The following ZFPM1 variants were observed in gnomAD, a reference collection of about 807,000 sequenced individuals.
The protein encoded by ZFPM1 is zinc finger protein ZFPM1.
In ZFPM1, 28 loss-of-function variants were observed where a neutral mutation model predicts 46.3. The observed-to-expected ratio is 0.60, with a 90% CI of 0.45 to 0.83. The LOEUF (loss-of-function observed/expected upper bound fraction) is 0.83. ZFPM1 is among the 40% of genes least tolerant of loss of function. The probability of loss-of-function intolerance (pLI) is 0.00; values close to 1 mark genes in which losing one functional copy is unlikely to be tolerated. For missense variants in ZFPM1, 1,878 were observed against 1,432.4 expected (o/e 1.31, Z -5.02); for synonymous variants, 957 against 675.9 (o/e 1.42, Z -6.45).
chr16:88,529,456 T>TGG (rs112648623), intron 6 of ZFPM1, among the ~76,000 whole-genome samples: 1 of 152,144 alleles, frequency 6.6e-6, no homozygotes, highest in African/African-American at 2.4e-5. Flanking sequence ...GTGCAGCCAC[T>TGG]GGGGGGATGT....
At chr16:88,508,951 C>T (rs949824166) in intron 3 of ZFPM1, among the ~76,000 whole-genome samples, 8 of 152,222 alleles carry the variant, frequency 5.3e-5, no homozygotes, top group African/African-American at 9.7e-5. Context: ...CGAATCCGCA[C>T]GCGGCGCGTC....
upstream of ZFPM1, among the ~76,000 whole-genome samples, chr16:88,453,128 C>T (rs1018538830): frequency 1.3e-5 from 2 of 148,182 alleles, no homozygotes; most frequent in African/African-American, 2.5e-5. Flanking sequence ...CAACGAAGAG[C>T]CGGGCTGGCG....
chr16:88,515,936 C>T (rs906028954), intron 4 of ZFPM1, among the ~76,000 whole-genome samples: 9 of 152,110 alleles, frequency 5.9e-5, no homozygotes, highest in Admixed American at 2.6e-4. Context: ...CTAGGAGCTC[C>T]GTGGCTCTCA....
In ZFPM1 at chr16:88,534,229, C is replaced by CCCG; in HGVS notation, c.2277_2279dup (p.Pro760dup). ...TGCACGCGGCCGGCGCCCCGCCCCC[C>CCCG]CCGCCGCCCGGCCACGCCCCCGCGC... On this transcript the variant is annotated inframe_insertion, in exon 10 of 10. Coordinates refer to ENST00000319555, the MANE Select transcript of ZFPM1 (RefSeq NM_153813.3). The CCCG allele has an allele frequency of 1.0e-6, 1 of 986,698 alleles. No homozygotes were observed. Among genetic ancestry groups the CCCG allele is most frequent in the Non-Finnish European group, 1.2e-6 (1 of 832,484 alleles). 61.1% of individuals were successfully genotyped at this position (986,698 alleles called of 1,614,324 possible). A position where few individuals can be genotyped will look rare whatever the true frequency, so the allele number is the denominator to read the frequency against.
At chr16:88,502,474 G>A (rs1910420991) in intron 3 of ZFPM1, among the ~76,000 whole-genome samples, 1 of 152,150 alleles carries the variant, frequency 6.6e-6, no homozygotes, top group South Asian at 2.1e-4. Context: ...GGCCGCCCGG[G>A]GCCATGGACA....
rs772378125 is a variant in ZFPM1, at chr16:88,489,139, C to T, written c.254C>T (p.Pro85Leu). The change falls in exon 3 of 10, where the codon CCC (proline) becomes CTC (leucine). Residue 85 changes from proline (P) to leucine (L), a missense_variant. Pro to Leu is a moderately conservative substitution (Grantham distance 98). Coordinates refer to ENST00000319555, the MANE Select transcript of ZFPM1 (RefSeq NM_153813.3). ...PRPTEEEPGS[P>L]WSGPDELEPV... The stretch of plus-strand genomic sequence containing the variant: ...CCCACGGAGGAAGAGCCGGGCAGTC[C>T]CTGGAGCGGGCCAGGTAACCACGCG... 1 of 1,605,530 alleles carries T rather than the reference C, an allele frequency of 6.2e-7. No individual in the cohort carries two copies. The highest frequency in any genetic ancestry group is 2.3e-5 in the East Asian group (1 of 44,180).
rs1020157976 is a variant in ZFPM1 at position 88,469,321 on chromosome 16, T to C, written c.40+15643T>C. 1.6e-4 allele frequency among the ~76,000 whole-genome samples: 25 copies of C among 152,182 alleles called. No individual in the cohort carries two copies. Among genetic ancestry groups the C allele is most frequent in the African/African-American group, 6.0e-4 (25 of 41,448 alleles). On this transcript the variant is annotated intron_variant, in intron 1 of 9. Coordinates refer to ENST00000319555, the MANE Select transcript of ZFPM1 (RefSeq NM_153813.3). The surrounding 1 kb of genome is among the most constrained non-coding windows in gnomAD (Gnocchi z 4.3). The stretch of plus-strand genomic sequence containing the variant: ...CCTTTGCCCACCCTCAGCCTCCCCA[T>C]CTGTAAAACCGGAAGGCGGTCTAGT...
chr16:88,530,134 G>T (rs1267201787), intron 6 of ZFPM1, among the ~76,000 whole-genome samples: 1 of 152,182 alleles, frequency 6.6e-6, no homozygotes, highest in Non-Finnish European at 1.5e-5. Flanking sequence ...AGGATGGAGA[G>T]GGGGTGCCCC....
intron 3 of ZFPM1, among the ~76,000 whole-genome samples, chr16:88,501,098 G>T (rs1476246793): frequency 6.8e-6 from 1 of 145,998 alleles, no homozygotes; most frequent in Admixed American, 6.8e-5. Flanking sequence ...TCCCGCAGGT[G>T]CTGGTGATGA....
chr16:88,530,033 A>C (rs937651623), intron 6 of ZFPM1, among the ~76,000 whole-genome samples: 1 of 152,150 alleles, frequency 6.6e-6, no homozygotes, highest in African/African-American at 2.4e-5. Context: ...GGTGACTGAA[A>C]GGAGCCGGGA....
Position 88,533,458 on chromosome 16 carries a change from C to T in ZFPM1, c.1500C>T (p.Val500=). 1.4e-6 allele frequency: 2 copies of T among 1,432,940 alleles called. No homozygotes were observed. The highest frequency in any genetic ancestry group is 3.0e-5 in the African/African-American group (2 of 65,808). 88.8% of individuals were successfully genotyped at this position (1,432,940 alleles called of 1,614,324 possible). Reference sequence around the variant, plus strand: ...CGCGCAGCCCCGCCCCGGCCAGGGTCAAGGCCGAGCTGTCCAGCCCCACGC... The same window carrying T: ...CGCGCAGCCCCGCCCCGGCCAGGGTTAAGGCCGAGCTGTCCAGCCCCACGC... ...PSPRSPAPAR[V]KAELSSPTPG... is the part of the protein sequence containing the mutation. Residue 500 remains valine, a synonymous_variant, in exon 10 of 10, where the codon GTC becomes GTT. Coordinates refer to ENST00000319555, the MANE Select transcript of ZFPM1 (RefSeq NM_153813.3).
In ZFPM1 at chr16:88,461,218, AGGCCTGGTGAGGACCCAGGGGT is replaced by A. The variant is rs1567525881; in HGVS notation, c.40+7543_40+7564del. 2.4e-4 allele frequency among the ~76,000 whole-genome samples: 18 copies of A among 73,938 alleles called. 1 individual carries two copies. Among genetic ancestry groups the A allele is most frequent in the African/African-American group, 8.9e-4 (15 of 16,848 alleles). The allele number at this position is 73,938 out of a possible 152,430, so 48.5% of individuals were successfully genotyped here. On this transcript the variant is annotated intron_variant, in intron 1 of 9. Transcript: ENST00000319555. ...GGCCTGGTGAGGACCCAGGGGCGGG[AGGCCTGGTGAGGACCCAGGGGT>A]GGGGCGGGAGGCCCTGGTGAGGACC... is the stretch of plus-strand genomic sequence containing the variant.
At chr16:88,515,464 C>T (rs562031104) in intron 4 of ZFPM1, among the ~76,000 whole-genome samples, 3 of 152,364 alleles carry the variant, frequency 2.0e-5, no homozygotes, top group South Asian at 2.1e-4. Flanking sequence ...GACACAGGGG[C>T]GCCTAAAGCT....
At chr16:88,484,497 CT>C (rs1909109148) in intron 1 of ZFPM1, among the ~76,000 whole-genome samples, 1 of 152,192 alleles carries the variant, frequency 6.6e-6, no homozygotes, top group African/African-American at 2.4e-5. Context: ...CATTATTCTG[CT>C]GTGACCATGG....
In ZFPM1 at chr16:88,453,572, C is replaced by CCCGCCGCCCG. The variant is rs1454078125; in HGVS notation, c.-54_-45dup. ...AGCGGCCCCGCGGCCCCGCCGCGCC[C>CCCGCCGCCCG]CCGCCGCCCGCCGCCGCCCGCCCGG... is the stretch of plus-strand genomic sequence containing the variant. On this transcript the variant is annotated 5_prime_UTR_variant, in exon 1 of 10. An upstream open reading frame in the 5' UTR loses its in-frame stop. Coordinates refer to ENST00000319555, the MANE Select transcript of ZFPM1 (RefSeq NM_153813.3). The CCCGCCGCCCG allele has an allele frequency of 1.2e-5, 11 of 915,210 alleles. No individual in the cohort carries two copies. The highest frequency in any genetic ancestry group is 7.2e-5 in the African/African-American group (4 of 55,220). The allele number at this position is 915,210 out of a possible 1,614,324, so 56.7% of individuals were successfully genotyped here.
At position 88,533,563 on chromosome 16, in the gene ZFPM1, G is replaced by A. The variant is rs1434341203; in HGVS notation, c.1605G>A (p.Ala535=). 2.0e-6 allele frequency: 3 copies of A among 1,484,756 alleles called. No individual in the cohort carries two copies. The highest frequency in any genetic ancestry group is 2.7e-6 in the Non-Finnish European group (3 of 1,118,056). 92.0% of individuals were successfully genotyped at this position (1,484,756 alleles called of 1,614,324 possible). The change falls in exon 10 of 10, where the codon GCG becomes GCA. Residue 535 remains alanine (A), a synonymous_variant. Transcript: ENST00000319555. ...CGCAGTACGTGTTCGGGCCCGACGC[G>A]GCGCCCCCCGCCTCGGAGATCCTGG... is the stretch of plus-strand genomic sequence containing the variant. ...FLPQYVFGPD[A]APPASEILAK...
chr16:88,497,013 A>G lies in ZFPM1; in HGVS notation c.268+7860A>G, dbSNP rs1226957719. 6.6e-6 allele frequency among the ~76,000 whole-genome samples: 1 copy of G among 152,118 alleles called. No individual in the cohort carries two copies. Among genetic ancestry groups the G allele is most frequent in the East Asian group, 1.9e-4 (1 of 5,186 alleles). Reference sequence around the variant, plus strand: ...AGGCCTGCCCCTGCCCAGGAGCCGCACACACCTGCTCCTGGCTCGCTCCAC... The same window carrying G: ...AGGCCTGCCCCTGCCCAGGAGCCGCGCACACCTGCTCCTGGCTCGCTCCAC... On this transcript the variant is annotated intron_variant, in intron 3 of 9. Transcript: ENST00000319555. This position sits in a 1 kb window ranked among gnomAD's most constrained non-coding sequence, Gnocchi z 5.4.
intron 3 of ZFPM1, among the ~76,000 whole-genome samples, chr16:88,502,440 C>G (rs911651001): frequency 2.0e-5 from 3 of 152,156 alleles, no homozygotes; most frequent in Admixed American, 2.0e-4. Context: ...TCCATGTCCC[C>G]CAACCCCGTC....
intron 1 of ZFPM1, among the ~76,000 whole-genome samples, chr16:88,470,973 A>G (rs933952404): frequency 9.2e-5 from 14 of 152,200 alleles, no homozygotes; most frequent in East Asian, 1.9e-4. Context: ...TGACGCACTG[A>G]CCCAGGGCCC....
Sources: allele counts gnomAD v4.1 joint callset (sites outside exome capture counted in the v4.1 genomes callset), GRCh38; gene constraint gnomAD v4.1.1; non-coding constraint Gnocchi (gnomAD v3.1); transcripts MANE v1.5; gene names NCBI Gene and HGNC (gene_info 2026-07-23, HGNC 2026-07-21).